The following TMEM164 variants were observed in gnomAD, a reference collection of about 807,000 sequenced individuals.
TMEM164 encodes the protein RP13-360B22.2.
Under a neutral mutation model 18.8 loss-of-function variants are expected in TMEM164, and 4 were observed. The observed-to-expected ratio is 0.21, with a 90% confidence interval of 0.10 to 0.49. TMEM164 has a LOEUF of 0.49. Among genes scored for constraint, TMEM164 ranks in the 20% least tolerant of loss-of-function variants. TMEM164 has a pLI of 0.98. For missense variants in TMEM164, 108 were observed against 239.9 expected (o/e 0.45, Z 3.63); for synonymous variants, 86 against 101.7 (o/e 0.85, Z 0.93).
At chrX:110,162,358 C>A (rs139848704) in intron 5 of TMEM164, among the ~76,000 whole-genome samples, 1,749 of 112,452 alleles carry the variant, frequency 0.016, 16 homozygotes, top group Middle Eastern at 0.023. Context: ...GGCTGCCTCT[C>A]TGATCCTCAT....
intron 3 of TMEM164, among the ~76,000 whole-genome samples, chrX:110,080,869 C>T (rs1421123006): frequency 9.2e-6 from 1 of 108,356 alleles, no homozygotes; most frequent in East Asian, 2.9e-4. Context: ...CAGGTGTGCA[C>T]CACTATGCCT....
At chrX:110,092,124 G>T (rs1016056599) in intron 3 of TMEM164, among the ~76,000 whole-genome samples, 2 of 112,016 alleles carry the variant, frequency 1.8e-5, no homozygotes, top group Non-Finnish European at 3.8e-5. Flanking sequence ...TTGTAGTATA[G>T]TTTGAAGTCA....
intron 2 of TMEM164, among the ~76,000 whole-genome samples, chrX:110,049,787 G>A (rs1297908830): frequency 1.8e-5 from 2 of 111,747 alleles, no homozygotes; most frequent in African/African-American, 6.5e-5. Flanking sequence ...TGGGACTGAG[G>A]GTTGGATTTT....
intron 2 of TMEM164, among the ~76,000 whole-genome samples, chrX:110,014,740 GTTTCTT>G (rs1933218667): frequency 2.0e-5 from 1 of 51,228 alleles, no homozygotes; most frequent in African/African-American, 7.8e-5. Flanking sequence ...TTTTTTGGTT[GTTTCTT>G]TTTTTTTTTT....
At chrX:110,067,203 C>T (rs780053901) in intron 2 of TMEM164, 144 bp from the exon 3 acceptor site, 107 of 532,735 alleles carry the variant, frequency 2.0e-4, no homozygotes, top group Non-Finnish European at 3.1e-4. Context: ...CAAGCACAAA[C>T]ATGTACCTGT....
At chrX:110,118,173 A>G (rs1474598395) in intron 4 of TMEM164, among the ~76,000 whole-genome samples, 1 of 112,533 alleles carries the variant, frequency 8.9e-6, no homozygotes, top group Non-Finnish European at 1.9e-5. Flanking sequence ...TTGGCCTCCC[A>G]AAGTGCTGTG....
At chrX:110,023,206 C>T (rs1309828149) in intron 2 of TMEM164, among the ~76,000 whole-genome samples, 3 of 111,920 alleles carry the variant, frequency 2.7e-5, no homozygotes, top group African/African-American at 9.7e-5. Context: ...CTAAAGATGG[C>T]TAATTTTCCC....
rs374031223 is a variant in TMEM164, at chrX:110,072,915, G to A, written c.440+5519G>A. Among the ~76,000 whole-genome samples the A allele has an allele frequency of 9.1e-5, 10 of 109,718 alleles. No homozygotes were observed. The East Asian group carries it at 2.6e-3, about 28-fold the overall frequency. ...GTATGTTGCACGATGCTGAGGTTTG[G>A]GACATGATTGAACCTGTCACTCAGG... On this transcript the variant is annotated intron_variant, in intron 3 of 6. Transcript: ENST00000372068.
At chrX:110,142,715 G>C (rs191420417) in intron 4 of TMEM164, among the ~76,000 whole-genome samples, 1 of 113,374 alleles carries the variant, frequency 8.8e-6, no homozygotes, top group African/African-American at 3.2e-5. Context: ...TTTTACCGAT[G>C]CCAAAACGGA....
intron 2 of TMEM164, among the ~76,000 whole-genome samples, chrX:110,044,071 A>G (rs1416843738): frequency 8.9e-6 from 1 of 112,453 alleles, no homozygotes; most frequent in Non-Finnish European, 1.9e-5. Context: ...GTTGGGTACC[A>G]ACAATAGAGG....
intron 2 of TMEM164, among the ~76,000 whole-genome samples, chrX:110,059,398 G>T (rs1167819890): frequency 9.0e-6 from 1 of 111,679 alleles, no homozygotes; most frequent in Non-Finnish European, 1.9e-5. Context: ...TTGAAATCAG[G>T]CTGTGTAAGT....
chrX:110,097,095 C>T (rs2066033706), intron 3 of TMEM164, among the ~76,000 whole-genome samples: 1 of 111,807 alleles, frequency 8.9e-6, no homozygotes, highest in Non-Finnish European at 1.9e-5. Flanking sequence ...CCTCCGCCTC[C>T]TGAGTAGCTG....
intron 5 of TMEM164, among the ~76,000 whole-genome samples, chrX:110,162,232 A>G (rs1392085085): frequency 1.8e-5 from 2 of 112,858 alleles, no homozygotes; most frequent in African/African-American, 6.4e-5. Context: ...AAGAGTAGGT[A>G]AGAGTAGAAG....
chrX:110,027,624 G>A (rs1221693525), intron 2 of TMEM164, among the ~76,000 whole-genome samples: 1 of 110,220 alleles, frequency 9.1e-6, no homozygotes, highest in African/African-American at 3.3e-5. Context: ...GCTGGGCGTG[G>A]TGGTGTGTAC....
chrX:110,107,352 G>T (rs1239395698), intron 3 of TMEM164, among the ~76,000 whole-genome samples: 1 of 112,155 alleles, frequency 8.9e-6, no homozygotes, highest in Admixed American at 9.5e-5. Context: ...AATGGGAAAA[G>T]TAATTGTACC....
chrX:110,084,745 T>C (rs1170071614), intron 3 of TMEM164, among the ~76,000 whole-genome samples: 1 of 109,677 alleles, frequency 9.1e-6, no homozygotes, highest in Non-Finnish European at 1.9e-5. Flanking sequence ...TATTATATTA[T>C]AGATTTCCTA....
chrX:110,012,443 G>T (rs1017346883), intron 2 of TMEM164, among the ~76,000 whole-genome samples: 1 of 111,940 alleles, frequency 8.9e-6, no homozygotes. Context: ...TCAGGGAGAG[G>T]ATGAGTTTTA....
chrX:110,020,445 A>G (rs1933744976), intron 2 of TMEM164: 2 of 752,302 alleles, frequency 2.7e-6, no homozygotes, highest in Admixed American at 1.8e-4. Flanking sequence ...CTTCGAGAAG[A>G]TAAAGGAGGA....
chrX:110,082,259 C>A (rs1381485955), intron 3 of TMEM164: 2 of 113,706 alleles, frequency 1.8e-5, no homozygotes, highest in African/African-American at 6.5e-5. Flanking sequence ...GCCTGGCAGT[C>A]TTCTGCCTCT....
Sources: allele counts gnomAD v4.1 joint callset (sites outside exome capture counted in the v4.1 genomes callset), GRCh38; gene constraint gnomAD v4.1.1; transcripts MANE v1.5; gene names NCBI Gene and HGNC (gene_info 2026-07-23, HGNC 2026-07-21).